BCLAF1: variants seen among roughly 807,000 people sequenced by gnomAD.
BCLAF1 encodes BCL2 associated transcription factor 1, also known as bcl-2-associated transcription factor 1.
In BCLAF1, 10 loss-of-function variants were observed where a neutral mutation model predicts 99.5. The observed-to-expected ratio is 0.10, with a 90% CI of 0.06 to 0.17. The LOEUF (loss-of-function observed/expected upper bound fraction) is 0.17. Ranked by LOEUF, BCLAF1 falls within the 10% of genes least tolerant of loss-of-function variation. BCLAF1 has a pLI of 1.00. For synonymous variants in BCLAF1, 255 were observed against 370.9 expected (o/e 0.69, Z 3.59); for missense variants, 636 against 1,105.8 (o/e 0.58, Z 6.02).
chr6:136,269,623 C>A lies in BCLAF1; in HGVS notation c.2044-11G>T. Reference sequence around the variant, plus strand: ...TAATTTTTTATCTCCCTATAAAAGACAGATATAAAATACAGATTTCAGGGG... The same window carrying A: ...TAATTTTTTATCTCCCTATAAAAGAAAGATATAAAATACAGATTTCAGGGG... On this transcript the variant is annotated splice_polypyrimidine_tract_variant and intron_variant, in intron 8 of 12. Transcript: ENST00000531224. 1.3e-6 allele frequency: 2 copies of A among 1,567,960 alleles called. No homozygotes were observed. The highest frequency in any genetic ancestry group is 1.2e-5 in the South Asian group (1 of 82,858).
chr6:136,269,576 G>A lies in BCLAF1; in HGVS notation c.2080C>T (p.Arg694Trp), dbSNP rs777824627. 17 of 1,610,246 alleles carry A rather than the reference G, an allele frequency of 1.1e-5. No individual in the cohort carries two copies. The highest frequency in any genetic ancestry group is 2.2e-5 in the East Asian group (1 of 44,814). The stretch of plus-strand genomic sequence containing the variant: ...TTTCTACGGCGATCAATGTCATGCC[G>A]AAGGTCAGCAGAGTCACACCTTAAT... ...KKLRCDSADL[R>W]HDIDRRRKER... Residue 694 changes from arginine to tryptophan, a missense_variant, in exon 9 of 13, where the codon CGG (arginine) becomes TGG (tryptophan). Physicochemically the swap from Arg to Trp is moderately radical, Grantham distance 101. This residue lies in a region of BCLAF1 where 180 missense variants were observed against 270.0 expected (regional missense o/e 0.67). Coordinates refer to ENST00000531224, the MANE Select transcript of BCLAF1 (RefSeq NM_014739.3).
chr6:136,257,729 G>GA lies in BCLAF1; in HGVS notation c.*3380_*3381insT, dbSNP rs1780539660. On this transcript the variant is annotated 3_prime_UTR_variant, in exon 13 of 13. Coordinates refer to ENST00000531224, the MANE Select transcript of BCLAF1 (RefSeq NM_014739.3). ...CCAAATTAATCCCAATGACAATGAA[G>GA]TTTATTCCTCCATTTGCCTTTCCTC... 1 of 152,100 alleles carries GA rather than the reference G, an allele frequency of 6.6e-6. No individual in the cohort carries two copies. Among genetic ancestry groups the GA allele is most frequent in the African/African-American group, 2.4e-5 (1 of 41,438 alleles). 9.4% of individuals were successfully genotyped at this position (152,100 alleles called of 1,614,324 possible).
chr6:136,264,686 T>C (rs911973015), intron 11 of BCLAF1, among the ~76,000 whole-genome samples: 1 of 152,178 alleles, frequency 6.6e-6, no homozygotes, highest in Admixed American at 6.6e-5. Flanking sequence ...TAAATTTAAC[T>C]ATTCATGTGA....
At chr6:136,286,306 T>C (rs1785120771) in intron 1 of BCLAF1, among the ~76,000 whole-genome samples, 1 of 152,238 alleles carries the variant, frequency 6.6e-6, no homozygotes, top group African/African-American at 2.4e-5. Flanking sequence ...CCATGACTAT[T>C]ATTCCAGTAG....
At chr6:136,280,374 T>C (rs1242480693) in intron 2 of BCLAF1, among the ~76,000 whole-genome samples, 1 of 152,176 alleles carries the variant, frequency 6.6e-6, no homozygotes, top group African/African-American at 2.4e-5. Flanking sequence ...CCACTCCATA[T>C]ACACAATCCT....
intron 9 of BCLAF1, 70 bp from the exon 10 acceptor site, chr6:136,268,409 G>T (rs1562238363): frequency 7.4e-7 from 1 of 1,360,066 alleles, no homozygotes; most frequent in Non-Finnish European, 1.0e-6. Context: ...TCTTACAACA[G>T]AAGAGATATT....
chr6:136,285,823 G>C (rs1785051626), intron 1 of BCLAF1, among the ~76,000 whole-genome samples: 1 of 152,226 alleles, frequency 6.6e-6, no homozygotes, highest in Non-Finnish European at 1.5e-5. Flanking sequence ...TATCAGGCCA[G>C]GAATGGTGGC....
chr6:136,279,984 G>A (rs1562262256), intron 2 of BCLAF1, 108 bp from the exon 3 acceptor site: 1 of 1,218,346 alleles, frequency 8.2e-7, no homozygotes, highest in South Asian at 2.6e-5. Context: ...GTTTCTCAAA[G>A]GCTATTATTC....
chr6:136,264,774 A>G (rs1781487267), intron 11 of BCLAF1, among the ~76,000 whole-genome samples: 1 of 152,228 alleles, frequency 6.6e-6, no homozygotes, highest in Non-Finnish European at 1.5e-5. Context: ...ATAAGGAAAA[A>G]GTGTGTAATT....
At chr6:136,278,822 T>C (rs770523938) in intron 3 of BCLAF1, 46 bp from the exon 4 acceptor site, 33 of 1,439,376 alleles carry the variant, frequency 2.3e-5, no homozygotes, top group Admixed American at 4.8e-5. Flanking sequence ...AAGTATTCCA[T>C]GCTACCATTC....
chr6:136,275,739 A>G (rs2128480086), intron 5 of BCLAF1, 38 bp from the exon 6 acceptor site: 1 of 1,561,644 alleles, frequency 6.4e-7, no homozygotes, highest in Non-Finnish European at 8.6e-7. Context: ...CACAAAATAT[A>G]CCATTGGTTT....
intron 1 of BCLAF1, among the ~76,000 whole-genome samples, chr6:136,284,185 T>C (rs892438341): frequency 6.8e-6 from 1 of 146,034 alleles, no homozygotes; most frequent in Non-Finnish European, 1.5e-5. Context: ...CTGCCAGATC[T>C]CTTTACTCCG....
At chr6:136,284,128 GTGTATATATATATATATATA>G (rs1357325912) in intron 1 of BCLAF1, among the ~76,000 whole-genome samples, 3 of 81,350 alleles carry the variant, frequency 3.7e-5, no homozygotes, top group African/African-American at 1.4e-4. Context: ...GTGTGTGTGT[GTGTATATATATATATATATA>G]TATATATATA....
At chr6:136,284,128 GTGTA>G (rs1261600736) in intron 1 of BCLAF1, among the ~76,000 whole-genome samples, 816 of 81,310 alleles carry the variant, frequency 0.01, 14 homozygotes, top group African/African-American at 0.034. Flanking sequence ...GTGTGTGTGT[GTGTA>G]TATATATATA....
At chr6:136,275,449 A>C in intron 6 of BCLAF1, 83 bp downstream of exon 6, 1 of 1,317,960 alleles carries the variant, frequency 7.6e-7, no homozygotes, top group Non-Finnish European at 1.0e-6. Context: ...CCTGGGGTAC[A>C]TGAATTATTA....
At chr6:136,262,010 T>C (rs905216692) in intron 11 of BCLAF1, among the ~76,000 whole-genome samples, 1 of 152,130 alleles carries the variant, frequency 6.6e-6, no homozygotes, top group African/African-American at 2.4e-5. Flanking sequence ...ACAGTACATA[T>C]CGATGTTCTG....
intron 7 of BCLAF1, 82 bp downstream of exon 7, chr6:136,273,000 C>A: frequency 1.0e-6 from 1 of 983,672 alleles, no homozygotes; most frequent in South Asian, 1.7e-5. Flanking sequence ...ATGACAAAAA[C>A]AAACTTCCAA....
intron 11 of BCLAF1, among the ~76,000 whole-genome samples, chr6:136,265,924 C>T (rs1479360226): frequency 1.3e-5 from 2 of 152,026 alleles, no homozygotes; most frequent in Non-Finnish European, 2.9e-5. Flanking sequence ...ATTCTTGAAC[C>T]AAGTAGATGG....
At chr6:136,288,340 C>T (rs1785446645) in intron 1 of BCLAF1, among the ~76,000 whole-genome samples, 1 of 152,194 alleles carries the variant, frequency 6.6e-6, no homozygotes, top group South Asian at 2.1e-4. Flanking sequence ...CAGCCTCAAA[C>T]TCCCGCCGAG....
Sources: gnomAD v4.1 joint callset for allele counts (sites outside exome capture counted in the v4.1 genomes callset) on GRCh38, gnomAD v4.1.1 for gene constraint, gnomAD v4.1.1 regional missense constraint, MANE v1.5 for transcripts, NCBI Gene and HGNC (gene_info 2026-07-23, HGNC 2026-07-21) for gene names.